The following TASOR2 variants were observed in gnomAD, a reference collection of about 807,000 sequenced individuals.
The protein encoded by TASOR2 is transcription activation suppressor family member 2, also known as protein TASOR 2.
Under a neutral mutation model 199.5 loss-of-function variants are expected in TASOR2, and 84 were observed. That is an observed-to-expected ratio of 0.42 (90% confidence interval 0.35 to 0.50). The LOEUF is 0.50. Among genes scored for constraint, TASOR2 ranks in the 20% least tolerant of loss-of-function variants. The probability of loss-of-function intolerance (pLI) is 0.02; values close to 1 mark genes in which losing one functional copy is unlikely to be tolerated. For synonymous variants in TASOR2, 1,103 were observed against 1,046.6 expected (o/e 1.05, Z -1.04); for missense variants, 2,796 against 2,835.9 (o/e 0.99, Z 0.32).
intron 13 of TASOR2, among the ~76,000 whole-genome samples, chr10:5,741,614 T>G (rs1461179135): frequency 6.6e-6 from 1 of 152,230 alleles, no homozygotes; most frequent in Non-Finnish European, 1.5e-5. Context: ...CTGAAAATAG[T>G]ATAGTTCTGT....
At chr10:5,715,667 G>A (rs1467147596) in intron 2 of TASOR2, among the ~76,000 whole-genome samples, 2 of 151,808 alleles carry the variant, frequency 1.3e-5, no homozygotes, top group African/African-American at 2.4e-5. Context: ...GGCGGGGTAC[G>A]GAGTTTCGCT....
chr10:5,742,189 T>A lies in TASOR2; in HGVS notation c.2420T>A (p.Ile807Asn). ...CTGTTTTACAGCAATCAGAACAAAA[T>A]CATACGATCTTCCCGAAAGGTTGTA... Residue 807 changes from isoleucine (I) to asparagine (N), a missense_variant, in exon 14 of 21, where the codon ATC (isoleucine) becomes AAC (asparagine). By Grantham distance (149) the Ile-to-Asn change is moderately radical. Coordinates refer to ENST00000328090, the Ensembl canonical transcript of TASOR2. This position sits in a 1 kb window ranked among gnomAD's most constrained non-coding sequence, Gnocchi z 4.2. 1.2e-6 allele frequency: 2 copies of A among 1,614,174 alleles called. No homozygotes were observed. Among genetic ancestry groups the A allele is most frequent in the Non-Finnish European group, 1.7e-6 (2 of 1,180,026 alleles).
In TASOR2 at chr10:5,761,483, G is replaced by A. The variant is rs367762965; in HGVS notation, c.7174+12G>A. On this transcript the variant is annotated intron_variant, in intron 19 of 20. Transcript: ENST00000328090. Reference sequence around the variant, plus strand: ...TGTCCTCCTAACAGGTAATTCACAGGCGCATTTTACTCAGTTAATGCCAAA... The same window carrying A: ...TGTCCTCCTAACAGGTAATTCACAGACGCATTTTACTCAGTTAATGCCAAA... 66 of 1,606,706 alleles carry A rather than the reference G, an allele frequency of 4.1e-5. No individual in the cohort carries two copies. The highest frequency in any genetic ancestry group is 5.3e-5 in the Non-Finnish European group (62 of 1,179,134).
At chr10:5,684,996 G>C (rs777260149) in exon 1 of TASOR2, 25 of 397,562 alleles carry the variant, frequency 6.3e-5, no homozygotes, top group Admixed American at 1.3e-4. Context: ...CCGGGGCTGG[G>C]GCGGACGGCG....
rs1481750330 is a variant in TASOR2, at chr10:5,710,641, G to A, written c.-287-2182G>A. ...TGTGCATTATGATGCTCAAAAATGAGGACGTATGTAACTTAAATCTGTGCC... is the reference window on the plus strand; with the variant it reads ...TGTGCATTATGATGCTCAAAAATGAAGACGTATGTAACTTAAATCTGTGCC... On this transcript the variant is annotated intron_variant, in intron 1 of 20. Transcript: ENST00000328090. This position sits in a 1 kb window ranked among gnomAD's most constrained non-coding sequence, Gnocchi z 4.6. 2.0e-5 allele frequency among the ~76,000 whole-genome samples: 3 copies of A among 152,066 alleles called. No individual in the cohort carries two copies. The highest frequency in any genetic ancestry group is 4.4e-5 in the Non-Finnish European group (3 of 67,928).
chr10:5,695,440 A>T (rs947679319), intron 1 of TASOR2, among the ~76,000 whole-genome samples: 1 of 152,196 alleles, frequency 6.6e-6, no homozygotes, highest in African/African-American at 2.4e-5. Context: ...TATTTAAATT[A>T]GTATGTATTG....
intron 12 of TASOR2, 110 bp from the exon 14 acceptor site, chr10:5,739,508 G>A (rs1313605407): frequency 5.9e-6 from 6 of 1,023,400 alleles, no homozygotes; most frequent in African/African-American, 1.6e-5. Flanking sequence ...TGCAATATAT[G>A]TTACATAAGT....
chr10:5,756,715 G>A (rs1329511899), exon 16 of TASOR2: 2 of 1,612,636 alleles, frequency 1.2e-6, no homozygotes, highest in Non-Finnish European at 1.7e-6. Flanking sequence ...CAGAAATGAA[G>A]ATATATCATC....
At chr10:5,726,839 G>A (rs751200857) in intron 8 of TASOR2, 46 bp from the exon 10 acceptor site, 1 of 1,521,084 alleles carries the variant, frequency 6.6e-7, no homozygotes, top group East Asian at 2.3e-5. Flanking sequence ...GAGAAGAGAG[G>A]GATTGCAGAA....
rs776305944 is a variant in TASOR2 at position 5,746,384 on chromosome 10, C to T, written c.2963C>T (p.Pro988Leu). 8.1e-6 allele frequency: 13 copies of T among 1,614,024 alleles called. No homozygotes were observed. The African/African-American group carries it at 1.5e-4, about 18-fold the overall frequency. ...ACTTACGATGGGCCTGGCAGTCAGCCAGTGATATGTCAGAGCTCTGTGTAC... is the reference window on the plus strand; with the variant it reads ...ACTTACGATGGGCCTGGCAGTCAGCTAGTGATATGTCAGAGCTCTGTGTAC... The change falls in exon 15 of 21, where the codon CCA becomes CTA. Residue 988 changes from proline (P) to leucine (L), a missense_variant. Pro to Leu is a moderately conservative substitution (Grantham distance 98). Around this residue, in one of 3 missense-constraint regions of TASOR2, gnomAD observed 1,941 missense variants for 1,924.9 expected, o/e 1.01. Transcript: ENST00000328090.
chr10:5,756,288 CATTTTTAAAG>C (rs1417298896), intron 15 of TASOR2, among the ~76,000 whole-genome samples: 1 of 152,148 alleles, frequency 6.6e-6, no homozygotes, highest in Admixed American at 6.5e-5. Context: ...CTACAGGTAG[CATTTTTAAAG>C]TATATATCTG....
At chr10:5,756,666 A>G (rs984349247) in exon 16 of TASOR2, 12 of 1,613,622 alleles carry the variant, frequency 7.4e-6, no homozygotes, top group African/African-American at 6.7e-5. Flanking sequence ...ACTTCTGTCA[A>G]GCTTTCCACA....
At position 5,750,843 on chromosome 10, in the gene TASOR2, A is replaced by G. The variant is rs1837934766; in HGVS notation, c.6606+816A>G. Among the ~76,000 whole-genome samples the G allele has an allele frequency of 6.6e-6, 1 of 152,224 alleles. No homozygotes were observed. The highest frequency in any genetic ancestry group is 2.4e-5 in the African/African-American group (1 of 41,464). On this transcript the variant is annotated intron_variant, in intron 15 of 20. Coordinates refer to ENST00000328090, the Ensembl canonical transcript of TASOR2. This position sits in a 1 kb window ranked among gnomAD's most constrained non-coding sequence, Gnocchi z 5.4. The stretch of plus-strand genomic sequence containing the variant: ...TCAGGAAGTTCATATAATATTAATT[A>G]AAGTGACCATCTCCATTAACCTCAT...
In TASOR2 at chr10:5,719,610, T is replaced by C. The variant is rs1458271436; in HGVS notation, c.-99-934T>C. On this transcript the variant is annotated intron_variant, in intron 3 of 20. Coordinates refer to ENST00000328090, the Ensembl canonical transcript of TASOR2. This position sits in a 1 kb window ranked among gnomAD's most constrained non-coding sequence, Gnocchi z 4.1. ...TGCCCGCCTCGGCCTCCCAAAGTGC[T>C]GGGTTACAGTTGTGAGCCACTGTGC... Among the ~76,000 whole-genome samples, 2 of 152,220 alleles carry C rather than the reference T, an allele frequency of 1.3e-5. No homozygotes were observed. The highest frequency in any genetic ancestry group is 4.8e-5 in the African/African-American group (2 of 41,456).
chr10:5,718,317 T>C (rs1175293400), intron 3 of TASOR2, among the ~76,000 whole-genome samples: 1 of 151,050 alleles, frequency 6.6e-6, no homozygotes, highest in African/African-American at 2.4e-5. Flanking sequence ...TGGTCTCGTT[T>C]TATTGTTTTT....
At chr10:5,734,717 T>A (rs933228298) in intron 11 of TASOR2, among the ~76,000 whole-genome samples, 1 of 1,398 alleles carries the variant, frequency 7.2e-4, no homozygotes, top group Non-Finnish European at 2.8e-3. Flanking sequence ...GTTATGAAGA[T>A]TTTTTTTTTT....
intron 12 of TASOR2, among the ~76,000 whole-genome samples, chr10:5,736,824 C>A (rs192649251): frequency 2.6e-5 from 4 of 152,002 alleles, no homozygotes; most frequent in Admixed American, 6.5e-5. Flanking sequence ...TTTTGTTTAA[C>A]GGAGAGACTT....
At chr10:5,725,223 C>T (rs186066521) in intron 8 of TASOR2, among the ~76,000 whole-genome samples, 139 of 151,792 alleles carry the variant, frequency 9.2e-4, no homozygotes, top group African/African-American at 3.1e-3. Flanking sequence ...CATGGTGAAA[C>T]CCTGTCTGTA....
In TASOR2 at chr10:5,746,251, C is replaced by T; in HGVS notation, c.2830C>T (p.Gln944Ter). 6.2e-7 allele frequency: 1 copy of T among 1,613,094 alleles called. No homozygotes were observed. Among genetic ancestry groups the T allele is most frequent in the Non-Finnish European group, 8.5e-7 (1 of 1,179,806 alleles). Reference sequence around the variant, plus strand: ...TGTGCTTTCGGGTATTGGAAGTACACAAACTAATGGACCTTCTGTTCCTAG... The same window carrying T: ...TGTGCTTTCGGGTATTGGAAGTACATAAACTAATGGACCTTCTGTTCCTAG... Residue 944 changes from glutamine (Q) to a stop codon, truncating the protein, a stop_gained, in exon 15 of 21, where the codon CAA becomes TAA. Transcript: ENST00000328090. LOFTEE classifies it high-confidence loss of function.
Sources: allele counts gnomAD v4.1 joint callset (sites outside exome capture counted in the v4.1 genomes callset), GRCh38; gene constraint gnomAD v4.1.1; regional missense constraint gnomAD v4.1.1; non-coding constraint Gnocchi (gnomAD v3.1); transcripts MANE v1.5; gene names NCBI Gene and HGNC (gene_info 2026-07-23, HGNC 2026-07-21).